Variants in TSPAN9 observed in about 807,000 individuals in gnomAD.
TSPAN9 encodes tetraspanin 9.
TSPAN9 carries 16 observed loss-of-function variants against 31.0 expected under a neutral mutation model. The observed-to-expected ratio is 0.52, with a 90% CI of 0.35 to 0.78. TSPAN9 has a LOEUF of 0.78. Ranked by LOEUF, TSPAN9 falls within the 30% of genes least tolerant of loss-of-function variation. The probability of loss-of-function intolerance (pLI) is 0.01; values close to 1 mark genes in which losing one functional copy is unlikely to be tolerated. For missense variants in TSPAN9, 272 were observed against 312.5 expected (o/e 0.87, Z 0.98); for synonymous variants, 145 against 121.6 (o/e 1.19, Z -1.27).
At chr12:3,252,476 C>G (rs1591706848) in intron 3 of TSPAN9, among the ~76,000 whole-genome samples, 1 of 152,334 alleles carries the variant, frequency 6.6e-6, no homozygotes, top group East Asian at 1.9e-4. Context: ...TGGGCTCCCC[C>G]CAGCCCCATG....
chr12:3,088,217 G>T (rs1243203549), intron 2 of TSPAN9, among the ~76,000 whole-genome samples: 1 of 152,252 alleles, frequency 6.6e-6, no homozygotes, highest in African/African-American at 2.4e-5. Context: ...AAACAGCTTT[G>T]TTTAAAAACT....
At chr12:3,083,972 A>G (rs543131167) in intron 2 of TSPAN9, 1 of 152,282 alleles carries the variant, frequency 6.6e-6, no homozygotes, top group South Asian at 2.1e-4. Flanking sequence ...TGGTACTCTT[A>G]GATTCTTTCT....
intron 2 of TSPAN9, among the ~76,000 whole-genome samples, chr12:3,199,137 T>C (rs941079353): frequency 3.3e-5 from 5 of 152,174 alleles, no homozygotes; most frequent in African/African-American, 1.2e-4. Flanking sequence ...GTTCTAGGTG[T>C]GACATGAATA....
Position 3,168,796 on chromosome 12 carries a change from T to C in TSPAN9, c.-17-32381T>C, listed in dbSNP as rs1244893859. Among the ~76,000 whole-genome samples the C allele has an allele frequency of 2.6e-5, 4 of 152,144 alleles. No individual in the cohort carries two copies. The highest frequency in any genetic ancestry group is 6.5e-5 in the Admixed American group (1 of 15,276). On this transcript the variant is annotated intron_variant, in intron 2 of 8. Transcript: ENST00000011898. The surrounding 1 kb of genome is among the most constrained non-coding windows in gnomAD (Gnocchi z 4.0). ...CCCTCTCTTTTCTGTGTCTCCACCA[T>C]AAAGTACTCGTTGAGTAAATGAATG...
At chr12:3,093,607 GAC>G (rs1320714205) in intron 2 of TSPAN9, among the ~76,000 whole-genome samples, 1 of 152,204 alleles carries the variant, frequency 6.6e-6, no homozygotes, top group Non-Finnish European at 1.5e-5. Flanking sequence ...AAGAGTGCCT[GAC>G]ACAGAGTAGG....
At position 3,200,793 on chromosome 12, in the gene TSPAN9, T is replaced by G. The variant is rs887366; in HGVS notation, c.-17-384T>G. 7.4e-3 allele frequency: 1,287 copies of G among 174,130 alleles called. 11 individuals carry two copies. Among genetic ancestry groups the G allele is most frequent in the African/African-American group, 0.029 (1,221 of 41,630 alleles). The allele number at this position is 174,130 out of a possible 1,614,324, so 10.8% of individuals were successfully genotyped here. ...CGGGGTTCGGCCGCGAGTGAGCCCC[T>G]GTGCAGAGAGGGGGCGTGCAAGGCT... On this transcript the variant is annotated intron_variant, in intron 2 of 8. Transcript: ENST00000011898.
At chr12:3,122,839 T>G (rs1487242518) in intron 2 of TSPAN9, among the ~76,000 whole-genome samples, 3 of 152,350 alleles carry the variant, frequency 2.0e-5, no homozygotes. Flanking sequence ...TGGTTTCTAT[T>G]TACTGGCAGG....
At chr12:3,109,307 A>AGAGAGAGAGAGAGTGTGTGT (rs560687812) in intron 2 of TSPAN9, among the ~76,000 whole-genome samples, 6 of 143,206 alleles carry the variant, frequency 4.2e-5, no homozygotes, top group African/African-American at 1.4e-4. Flanking sequence ...TGTGAGAGAG[A>AGAGAGAGAGAGAGTGTGTGT]GTGTGTGTGT....
At chr12:3,218,775 T>A (rs2098382712) in intron 3 of TSPAN9, among the ~76,000 whole-genome samples, 1 of 152,218 alleles carries the variant, frequency 6.6e-6, no homozygotes, top group South Asian at 2.1e-4. Flanking sequence ...GCTGCCTGTG[T>A]TCTTAGCCCC....
At chr12:3,136,699 T>C (rs1175600358) in intron 2 of TSPAN9, among the ~76,000 whole-genome samples, 1 of 152,094 alleles carries the variant, frequency 6.6e-6, no homozygotes, top group East Asian at 1.9e-4. Flanking sequence ...GAGGAACACA[T>C]GTTCAGGTGC....
At position 3,187,905 on chromosome 12, in the gene TSPAN9, C is replaced by T. The variant is rs566760058; in HGVS notation, c.-17-13272C>T. ...TACTCAGGGGTACTTCTGTCCCACCCTTTCATTTGATTGCTCTTTGCCCAG... is the reference window on the plus strand; with the variant it reads ...TACTCAGGGGTACTTCTGTCCCACCTTTTCATTTGATTGCTCTTTGCCCAG... On this transcript the variant is annotated intron_variant, in intron 2 of 8. Coordinates refer to ENST00000011898, the MANE Select transcript of TSPAN9 (RefSeq NM_006675.5). This position sits in a 1 kb window ranked among gnomAD's most constrained non-coding sequence, Gnocchi z 5.2. Among the ~76,000 whole-genome samples, 7 of 152,156 alleles carry T rather than the reference C, an allele frequency of 4.6e-5. No homozygotes were observed. Among genetic ancestry groups the T allele is most frequent in the Non-Finnish European group, 1.0e-4 (7 of 68,024 alleles).
intron 3 of TSPAN9, among the ~76,000 whole-genome samples, chr12:3,264,869 G>A (rs772649796): frequency 6.6e-6 from 1 of 152,170 alleles, no homozygotes; most frequent in Non-Finnish European, 1.5e-5. Flanking sequence ...CGTTTTCTGC[G>A]GTCCTGCTGG....
intron 2 of TSPAN9, among the ~76,000 whole-genome samples, chr12:3,100,136 G>A (rs1453237847): frequency 3.9e-5 from 6 of 152,074 alleles, no homozygotes; most frequent in Admixed American, 3.9e-4. Context: ...GAGCCACCGC[G>A]CCCGGCCAAG....
intron 2 of TSPAN9, among the ~76,000 whole-genome samples, chr12:3,193,029 CAT>C: frequency 6.6e-6 from 1 of 152,024 alleles, no homozygotes. Flanking sequence ...GGGGAAGGTG[CAT>C]ATTATTTCCA....
chr12:3,155,450 C>T (rs1190243843), intron 2 of TSPAN9, among the ~76,000 whole-genome samples: 1 of 152,090 alleles, frequency 6.6e-6, no homozygotes, highest in Non-Finnish European at 1.5e-5. Context: ...CCATATCTTC[C>T]AGGCCTGGTG....
chr12:3,142,475 A>T (rs2098335318), intron 2 of TSPAN9, among the ~76,000 whole-genome samples: 1 of 152,072 alleles, frequency 6.6e-6, no homozygotes, highest in Admixed American at 6.5e-5. Flanking sequence ...GGGCTGTGGG[A>T]TGAAAGGTGA....
chr12:3,236,082 G>T (rs2098393604), intron 3 of TSPAN9, among the ~76,000 whole-genome samples: 1 of 152,194 alleles, frequency 6.6e-6, no homozygotes, highest in African/African-American at 2.4e-5. Flanking sequence ...TGTTGTTTCT[G>T]TTCCTTTAGC....
chr12:3,145,244 C>T (rs10848812), intron 2 of TSPAN9, among the ~76,000 whole-genome samples: 9,603 of 152,288 alleles, frequency 0.063, 419 homozygotes, highest in African/African-American at 0.12. Context: ...CTCTTGAGCA[C>T]GTGCACAGCT....
chr12:3,207,681 G>C (rs1392307727), intron 3 of TSPAN9, among the ~76,000 whole-genome samples: 2 of 152,192 alleles, frequency 1.3e-5, no homozygotes, highest in African/African-American at 4.8e-5. Context: ...AACTGGAGAA[G>C]CCCTTGGGCA....
Sources: allele counts gnomAD v4.1 joint callset (sites outside exome capture counted in the v4.1 genomes callset), GRCh38; gene constraint gnomAD v4.1.1; non-coding constraint Gnocchi (gnomAD v3.1); transcripts MANE v1.5; gene names NCBI Gene and HGNC (gene_info 2026-07-23, HGNC 2026-07-21).